Variants in GPRIN3 observed in about 807,000 individuals in gnomAD.
GPRIN3 encodes G protein-regulated inducer of neurite outgrowth 3.
A neutral mutation model predicts 13.7 loss-of-function variants in GPRIN3; 12 were observed. The ratio of observed to expected loss-of-function variants is 0.87; its 90% CI spans 0.56 to 1.42. The LOEUF is 1.42. Among genes scored for constraint, GPRIN3 ranks in the 40% most tolerant of loss-of-function variants. The pLI is 0.00. For synonymous variants in GPRIN3, 377 were observed against 372.7 expected (o/e 1.01, Z -0.13); for missense variants, 1,009 against 958.7 (o/e 1.05, Z -0.69).
chr4:89,248,598 T>A lies in GPRIN3; in HGVS notation c.1513A>T (p.Thr505Ser). 1 of 1,613,888 alleles carries A rather than the reference T, an allele frequency of 6.2e-7. No homozygotes were observed. The highest frequency in any genetic ancestry group is 8.5e-7 in the Non-Finnish European group (1 of 1,179,792). The change falls in exon 2 of 2, where the codon ACA becomes TCA. Residue 505 changes from threonine (T) to serine (S), a missense_variant. By Grantham distance (58) the Thr-to-Ser change is moderately conservative. Transcript: ENST00000609438. The stretch of plus-strand genomic sequence containing the variant: ...TCAGATAGTTTGCAATCTGGGTCTG[T>A]TTTGTGGCCGTTTGTCGTTTTCTCT... The part of the protein sequence containing the change: ...FAEKTTNGHK[T>S]DPDCKLSDSC...
intron 1 of GPRIN3, among the ~76,000 whole-genome samples, chr4:89,258,302 C>T (rs1281594238): frequency 6.6e-6 from 1 of 151,700 alleles, no homozygotes; most frequent in African/African-American, 2.4e-5. Context: ...CTGCAACCTC[C>T]ACCTCCTGGG....
chr4:89,237,063 G>C lies in GPRIN3; in HGVS notation c.*10717C>G, dbSNP rs373874519. 1.2e-4 allele frequency: 18 copies of C among 152,152 alleles called. No homozygotes were observed. In the East Asian group the frequency reaches 2.1e-3, roughly 18 times the overall value. 9.4% of individuals were successfully genotyped at this position (152,152 alleles called of 1,614,324 possible). On this transcript the variant is annotated 3_prime_UTR_variant, in exon 2 of 2. Coordinates refer to ENST00000609438, the MANE Select transcript of GPRIN3 (RefSeq NM_198281.3). Reference sequence around the variant, plus strand: ...GCAGGTCAAGGCTCTTTTGCAGTTTGATTGAGAGACGTCAAGCGGGACTAA... The same window carrying C: ...GCAGGTCAAGGCTCTTTTGCAGTTTCATTGAGAGACGTCAAGCGGGACTAA...
At chr4:89,290,010 T>G (rs547636322) in intron 1 of GPRIN3, among the ~76,000 whole-genome samples, 18 of 151,668 alleles carry the variant, frequency 1.2e-4, no homozygotes, top group South Asian at 2.1e-4. Flanking sequence ...GTTTTTGTTT[T>G]GTTTTGTTTT....
chr4:89,248,345 T>C lies in GPRIN3; in HGVS notation c.1766A>G (p.Gln589Arg). Residue 589 changes from glutamine to arginine, a missense_variant, in exon 2 of 2, where the codon CAG (glutamine) becomes CGG (arginine). Gln to Arg is a conservative substitution (Grantham distance 43, BLOSUM62 1). Coordinates refer to ENST00000609438, the MANE Select transcript of GPRIN3 (RefSeq NM_198281.3). ...TCTGTTTTCTTCTAAGGTGCTCTCC[T>C]GGTTCTTCCTAATTGGGGAGGGTGT... ...NPTPSPIRKN[Q>R]ESTLEENRQT... 3 of 1,614,212 alleles carry C rather than the reference T, an allele frequency of 1.9e-6. No homozygotes were observed. The highest frequency in any genetic ancestry group is 1.7e-6 in the Non-Finnish European group (2 of 1,180,030).
chr4:89,276,730 A>G (rs1393911985), intron 1 of GPRIN3, among the ~76,000 whole-genome samples: 2 of 152,198 alleles, frequency 1.3e-5, no homozygotes, highest in Admixed American at 1.3e-4. Flanking sequence ...TCACTTTCCT[A>G]TTACCCCATG....
intron 1 of GPRIN3, among the ~76,000 whole-genome samples, chr4:89,252,564 A>C (rs1382942773): frequency 6.6e-6 from 1 of 152,238 alleles, no homozygotes; most frequent in African/African-American, 2.4e-5. Context: ...AAAATAAGGC[A>C]AAATCAAATC....
intron 1 of GPRIN3, among the ~76,000 whole-genome samples, chr4:89,270,600 TA>T (rs34016285): frequency 2.1e-4 from 25 of 120,516 alleles, no homozygotes; most frequent in South Asian, 5.4e-4. Flanking sequence ...TATATATATA[TA>T]AAATATAGAT....
At chr4:89,276,938 T>C (rs373032536) in intron 1 of GPRIN3, among the ~76,000 whole-genome samples, 3 of 152,164 alleles carry the variant, frequency 2.0e-5, no homozygotes, top group African/African-American at 7.2e-5. Flanking sequence ...CTCATAAAGA[T>C]ATGTGTCAAA....
At chr4:89,299,888 A>G (rs1406006414) in intron 1 of GPRIN3, among the ~76,000 whole-genome samples, 2 of 152,178 alleles carry the variant, frequency 1.3e-5, no homozygotes, top group African/African-American at 4.8e-5. Flanking sequence ...TTAAAAATAC[A>G]TAAAGCAATC....
At chr4:89,296,574 A>G (rs1180253604) in intron 1 of GPRIN3, among the ~76,000 whole-genome samples, 1 of 152,230 alleles carries the variant, frequency 6.6e-6, no homozygotes, top group Non-Finnish European at 1.5e-5. Context: ...AATCACGGAA[A>G]CACTAGTTCT....
At chr4:89,303,364 G>A (rs1006292680) in intron 1 of GPRIN3, among the ~76,000 whole-genome samples, 1 of 152,062 alleles carries the variant, frequency 6.6e-6, no homozygotes, top group Admixed American at 6.6e-5. Flanking sequence ...AAATAATCAC[G>A]CCACAATGTG....
At chr4:89,256,950 G>A (rs1480725672) in intron 1 of GPRIN3, among the ~76,000 whole-genome samples, 1 of 152,226 alleles carries the variant, frequency 6.6e-6, no homozygotes, top group Non-Finnish European at 1.5e-5. Context: ...TTCTGCCAGT[G>A]CAGAGTTTGA....
At chr4:89,268,294 A>G (rs768153569) in intron 1 of GPRIN3, among the ~76,000 whole-genome samples, 1 of 152,200 alleles carries the variant, frequency 6.6e-6, no homozygotes, top group Non-Finnish European at 1.5e-5. Flanking sequence ...GAGAAAAGAG[A>G]TATGGAAATT....
rs890244472 is a variant in GPRIN3, at chr4:89,236,567, T to A, written c.*11213A>T. The A allele has an allele frequency of 3.9e-5, 6 of 152,194 alleles. No homozygotes were observed. 9.4% of individuals were successfully genotyped at this position (152,194 alleles called of 1,614,324 possible). On this transcript the variant is annotated 3_prime_UTR_variant, in exon 2 of 2. Transcript: ENST00000609438. ...CACAAATTTGCAAAGTGAGCATTGTTATTCTCAGTTTCCAGATGAATGCAC... is the reference window on the plus strand; with the variant it reads ...CACAAATTTGCAAAGTGAGCATTGTAATTCTCAGTTTCCAGATGAATGCAC...
chr4:89,277,666 T>G (rs1265133028), intron 1 of GPRIN3, among the ~76,000 whole-genome samples: 1 of 152,202 alleles, frequency 6.6e-6, no homozygotes, highest in African/African-American at 2.4e-5. Context: ...CTGGGCCCAC[T>G]GTCTTGTCAC....
chr4:89,298,353 A>G (rs1724801204), intron 1 of GPRIN3, among the ~76,000 whole-genome samples: 1 of 152,208 alleles, frequency 6.6e-6, no homozygotes, highest in Middle Eastern at 3.4e-3. Context: ...GCAGGGAGGA[A>G]AGGAACCCAG....
In GPRIN3 at chr4:89,237,745, C is replaced by A. The variant is rs1356239294; in HGVS notation, c.*10035G>T. The A allele has an allele frequency of 6.6e-6, 1 of 152,108 alleles. No homozygotes were observed. Among genetic ancestry groups the A allele is most frequent in the African/African-American group, 2.4e-5 (1 of 41,416 alleles). 9.4% of individuals were successfully genotyped at this position (152,108 alleles called of 1,614,324 possible). On this transcript the variant is annotated 3_prime_UTR_variant, in exon 2 of 2. Transcript: ENST00000609438. ...ACCAAAAGTGATCTTATATTGTTTA[C>A]AAAAGGCAAACCCTTCACAAGAAAC... is the stretch of plus-strand genomic sequence containing the variant.
At chr4:89,279,220 C>T (rs1016860890) in intron 1 of GPRIN3, among the ~76,000 whole-genome samples, 24 of 152,156 alleles carry the variant, frequency 1.6e-4, no homozygotes, top group African/African-American at 5.8e-4. Flanking sequence ...TAACAAATAG[C>T]TCATAATAGC....
intron 1 of GPRIN3, among the ~76,000 whole-genome samples, chr4:89,255,633 G>A (rs1173106529): frequency 6.6e-6 from 1 of 152,142 alleles, no homozygotes; most frequent in Non-Finnish European, 1.5e-5. Flanking sequence ...AGCGAAGGGG[G>A]ATTTTTGCTA....
Sources: gnomAD v4.1 joint callset for allele counts (sites outside exome capture counted in the v4.1 genomes callset) on GRCh38, gnomAD v4.1.1 for gene constraint, MANE v1.5 for transcripts, NCBI Gene and HGNC (gene_info 2026-07-23, HGNC 2026-07-21) for gene names.